Variants in PTPRD observed in about 807,000 individuals in gnomAD.
The protein encoded by PTPRD is receptor-type tyrosine-protein phosphatase delta.
Under a neutral mutation model 214.5 loss-of-function variants are expected in PTPRD, and 34 were observed. That is an observed-to-expected ratio of 0.16 (90% CI 0.12 to 0.21). The LOEUF (loss-of-function observed/expected upper bound fraction) is 0.21. PTPRD is among the 10% of genes least tolerant of loss of function. The pLI, the probability that PTPRD is intolerant of heterozygous loss-of-function variation, is 1.00. For missense variants in PTPRD, 2,545 were observed against 2,398.7 expected, an observed-to-expected ratio of 1.06 and a Z score of -1.27; for synonymous variants, 1,128 against 845.7, an observed-to-expected ratio of 1.33 and a Z score of -5.79.
rs149792454 is a variant in PTPRD, at chr9:10,251,811, G to A, written c.-545+89152C>T. On this transcript the variant is annotated intron_variant, in intron 3 of 45. Coordinates refer to ENST00000381196, the MANE Select transcript of PTPRD (RefSeq NM_002839.4). ...CTTATTTGTGGAATCTGAAAAAGTT[G>A]AACTCATAGAAATAGTAGAATGATG... is the stretch of plus-strand genomic sequence containing the variant. Among the ~76,000 whole-genome samples the A allele has an allele frequency of 2.6e-3, 391 of 152,230 alleles. 2 individuals carry two copies. The highest frequency in any genetic ancestry group is 0.016 in the South Asian group (78 of 4,820).
chr9:9,828,521 G>C (rs1346716828), intron 5 of PTPRD, among the ~76,000 whole-genome samples: 1 of 152,002 alleles, frequency 6.6e-6, no homozygotes, highest in Non-Finnish European at 1.5e-5. Context: ...GGAGAGGGGA[G>C]GGATAGCATT....
At chr9:9,600,581 G>A (rs923414580) in intron 7 of PTPRD, among the ~76,000 whole-genome samples, 1 of 152,064 alleles carries the variant, frequency 6.6e-6, no homozygotes, top group Non-Finnish European at 1.5e-5. Context: ...CATAGTTTGG[G>A]TATCTGTCTG....
rs749123253 is a variant in PTPRD at position 8,319,721 on chromosome 9, C to T, written c.5670+110G>A. On this transcript the variant is annotated intron_variant, in intron 45 of 45. Coordinates refer to ENST00000381196, the MANE Select transcript of PTPRD (RefSeq NM_002839.4). Reference sequence around the variant, plus strand: ...TTCAAAATTATTAAACAGTTTGATGCTTTCCCCACAGTATTTTGTGTCTGG... The same window carrying T: ...TTCAAAATTATTAAACAGTTTGATGTTTTCCCCACAGTATTTTGTGTCTGG... The T allele has an allele frequency of 7.3e-5, 99 of 1,347,580 alleles. 1 individual carries two copies. The highest frequency in any genetic ancestry group is 9.8e-5 in the Non-Finnish European group (96 of 975,522). 83.5% of individuals were successfully genotyped at this position (1,347,580 alleles called of 1,614,324 possible). A position where few individuals can be genotyped will look rare whatever the true frequency, so the allele number is the denominator to read the frequency against.
chr9:9,462,895 C>CA (rs1235794475), intron 8 of PTPRD, among the ~76,000 whole-genome samples: 2 of 152,024 alleles, frequency 1.3e-5, no homozygotes, highest in Non-Finnish European at 2.9e-5. Flanking sequence ...CTGTGACCCA[C>CA]AAAAAATGAA....
chr9:10,034,060 G>A (rs1316250857), intron 3 of PTPRD, among the ~76,000 whole-genome samples: 1 of 151,980 alleles, frequency 6.6e-6, no homozygotes, highest in African/African-American at 2.4e-5. Flanking sequence ...ACTGCCCAAA[G>A]CAATCTACAG....
At chr9:10,524,256 C>G (rs1420684169) in intron 2 of PTPRD, among the ~76,000 whole-genome samples, 1 of 152,064 alleles carries the variant, frequency 6.6e-6, no homozygotes, top group East Asian at 1.9e-4. Flanking sequence ...TTGGGAGCAT[C>G]TATCACACCA....
At chr9:9,897,478 G>A (rs1029907712) in intron 5 of PTPRD, among the ~76,000 whole-genome samples, 16 of 151,760 alleles carry the variant, frequency 1.1e-4, no homozygotes, top group South Asian at 2.1e-4. Flanking sequence ...AAGTTTATTC[G>A]CAATATAGTT....
chr9:8,861,818 G>C lies in PTPRD; in HGVS notation c.-103-127872C>G, dbSNP rs1293234047. 2.6e-5 allele frequency: 4 copies of C among 152,196 alleles called. No individual in the cohort carries two copies. The East Asian group carries it at 7.7e-4, about 29-fold the overall frequency. The allele number at this position is 152,196 out of a possible 1,614,324, so 9.4% of individuals were successfully genotyped here. A position where few individuals can be genotyped will look rare whatever the true frequency, so the allele number is the denominator to read the frequency against. On this transcript the variant is annotated intron_variant, in intron 11 of 45. Coordinates refer to ENST00000381196, the MANE Select transcript of PTPRD (RefSeq NM_002839.4). ...TCAAGTGACATGTTCGGAAGAGAGT[G>C]AGGAATTTCATAAAACACTAAATCT...
chr9:9,172,868 T>C (rs563026421), intron 10 of PTPRD, among the ~76,000 whole-genome samples: 79 of 152,282 alleles, frequency 5.2e-4, no homozygotes, highest in Non-Finnish European at 8.7e-4. Flanking sequence ...CCCCATTTAT[T>C]CAGTTCTAAC....
intron 39 of PTPRD, among the ~76,000 whole-genome samples, chr9:8,347,999 CTGTT>C (rs1427919317): frequency 1.3e-5 from 2 of 152,058 alleles, no homozygotes; most frequent in African/African-American, 4.8e-5. Context: ...GGTCAAGTAA[CTGTT>C]TGCTAAATAA....
intron 11 of PTPRD, among the ~76,000 whole-genome samples, chr9:8,974,012 C>A (rs2099254142): frequency 6.6e-6 from 1 of 152,076 alleles, no homozygotes; most frequent in Non-Finnish European, 1.5e-5. Context: ...AGGTGGTCTG[C>A]TTACTCTGTC....
At chr9:9,323,014 T>C (rs149277040) in intron 9 of PTPRD, among the ~76,000 whole-genome samples, 197 of 152,304 alleles carry the variant, frequency 1.3e-3, no homozygotes, top group African/African-American at 4.4e-3. Flanking sequence ...AGTGCTAGTC[T>C]GAAGGAATCA....
intron 4 of PTPRD, among the ~76,000 whole-genome samples, chr9:9,998,121 A>ATATATATATAT (rs1326721044): frequency 4.0e-5 from 2 of 50,246 alleles, no homozygotes; most frequent in South Asian, 1.1e-3. Flanking sequence ...ATAATAAAAA[A>ATATATATATAT]AAAAAAAAAT....
intron 7 of PTPRD, among the ~76,000 whole-genome samples, chr9:9,594,742 G>C (rs984647995): frequency 1.4e-4 from 22 of 151,956 alleles, no homozygotes; most frequent in Admixed American, 2.6e-4. Context: ...GTCTAGCTTT[G>C]GCTATGTCGG....
chr9:8,925,862 T>A (rs910656074), intron 11 of PTPRD, among the ~76,000 whole-genome samples: 40 of 150,546 alleles, frequency 2.7e-4, no homozygotes, highest in Non-Finnish European at 4.3e-4. Flanking sequence ...TGCAATATTT[T>A]TTTTTTTTTT....
chr9:8,315,722 C>T lies in PTPRD; in HGVS notation c.*2152G>A, dbSNP rs1232725739. ...CAAATGTTTGGTCTCTTGGATTTCA[C>T]TCTGCTAGCAATGGGAAAATGTGGA... On this transcript the variant is annotated 3_prime_UTR_variant, in exon 46 of 46. Coordinates refer to ENST00000381196, the MANE Select transcript of PTPRD (RefSeq NM_002839.4). 2 of 228,628 alleles carry T rather than the reference C, an allele frequency of 8.7e-6. No homozygotes were observed. Among genetic ancestry groups the T allele is most frequent in the Non-Finnish European group, 1.7e-5 (2 of 115,142 alleles). The allele number at this position is 228,628 out of a possible 1,614,324, so 14.2% of individuals were successfully genotyped here. A position where few individuals can be genotyped will look rare whatever the true frequency, so the allele number is the denominator to read the frequency against.
intron 7 of PTPRD, among the ~76,000 whole-genome samples, chr9:9,600,792 A>G (rs2093689471): frequency 6.6e-6 from 1 of 152,110 alleles, no homozygotes; most frequent in Non-Finnish European, 1.5e-5. Flanking sequence ...CATATATTTA[A>G]AATCCTTTTG....
intron 11 of PTPRD, among the ~76,000 whole-genome samples, chr9:8,959,417 C>A (rs533105214): frequency 1.3e-5 from 2 of 151,694 alleles, no homozygotes; most frequent in African/African-American, 2.4e-5. Context: ...ACATGTAAGT[C>A]CTGGACAAAA....
chr9:8,766,435 G>A (rs369907113), intron 11 of PTPRD, among the ~76,000 whole-genome samples: 3 of 152,124 alleles, frequency 2.0e-5, no homozygotes, highest in African/African-American at 7.2e-5. Context: ...TGAGCTGCCA[G>A]GGTAGGATCC....
Sources: gnomAD v4.1 joint callset for allele counts (sites outside exome capture counted in the v4.1 genomes callset) on GRCh38, gnomAD v4.1.1 for gene constraint, MANE v1.5 for transcripts, NCBI Gene and HGNC (gene_info 2026-07-23, HGNC 2026-07-21) for gene names.